ELMOD1: variants seen among roughly 807,000 people sequenced by gnomAD.
ELMOD1 encodes ELMO domain-containing protein 1.
ELMOD1 carries 21 observed loss-of-function variants against 46.7 expected under a neutral mutation model. That is an observed-to-expected ratio of 0.45 (90% CI 0.32 to 0.65). The LOEUF (loss-of-function observed/expected upper bound fraction) is 0.65. ELMOD1 is among the 30% of genes least tolerant of loss of function. ELMOD1 has a pLI of 0.04. For missense variants in ELMOD1, 348 were observed against 407.8 expected (o/e 0.85, Z 1.26); for synonymous variants, 122 against 138.2 (o/e 0.88, Z 0.82).
At chr11:107,639,500 C>G (rs913436618) in intron 6 of ELMOD1, among the ~76,000 whole-genome samples, 1 of 152,162 alleles carries the variant, frequency 6.6e-6, no homozygotes, top group Non-Finnish European at 1.5e-5. Context: ...TAAAGACCCT[C>G]TCCTGATGGA....
chr11:107,634,098 C>T (rs545127174), intron 5 of ELMOD1, among the ~76,000 whole-genome samples: 2 of 152,056 alleles, frequency 1.3e-5, no homozygotes, highest in Non-Finnish European at 2.9e-5. Context: ...TAATGACCAC[C>T]ACCACACCAC....
intron 1 of ELMOD1, among the ~76,000 whole-genome samples, chr11:107,604,728 A>G (rs1196212812): frequency 6.6e-6 from 1 of 152,226 alleles, no homozygotes. Context: ...TTATAGCTCT[A>G]AAGTGTGTTA....
Position 107,635,769 on chromosome 11 carries a change from A to C in ELMOD1, c.420+4A>C. On this transcript the variant is annotated splice_donor_region_variant and intron_variant, in intron 6 of 11. Transcript: ENST00000265840. ...ACATGAAGAAATGCTTTTGAAGGTT[A>C]GTGCTTGAACACATTTCGGTTCTTC... The C allele has an allele frequency of 6.2e-7, 1 of 1,612,296 alleles. No individual in the cohort carries two copies. Among genetic ancestry groups the C allele is most frequent in the Non-Finnish European group, 8.5e-7 (1 of 1,178,964 alleles).
At chr11:107,658,694 G>A (rs1866675830) in intron 11 of ELMOD1, among the ~76,000 whole-genome samples, 1 of 152,244 alleles carries the variant, frequency 6.6e-6, no homozygotes, top group Non-Finnish European at 1.5e-5. Context: ...CAGCACTTTG[G>A]GAGGCCAAGA....
At chr11:107,599,053 G>A (rs371790899) in intron 1 of ELMOD1, among the ~76,000 whole-genome samples, 5 of 152,208 alleles carry the variant, frequency 3.3e-5, no homozygotes, top group South Asian at 2.1e-4. Flanking sequence ...GCATTGGCCA[G>A]AAGGAAAGAC....
chr11:107,629,741 C>T (rs1248934712), intron 2 of ELMOD1, among the ~76,000 whole-genome samples: 5 of 152,126 alleles, frequency 3.3e-5, no homozygotes, highest in South Asian at 2.1e-4. Flanking sequence ...ATTTAAATCA[C>T]GGAAGGTCGT....
At chr11:107,664,909 AGCTCCACGGTT>A in intron 11 of ELMOD1, 105 bp from the exon 12 acceptor site, 1 of 914,156 alleles carries the variant, frequency 1.1e-6, no homozygotes, top group Non-Finnish European at 1.7e-6. Flanking sequence ...GTCTTCTTTG[AGCTCCACGGTT>A]GCTGTGGCTT....
rs12362443 is a variant in ELMOD1, at chr11:107,650,364, C to T, written c.584C>T (p.Ala195Val). ...QYFAERDATAAQQVLSDSLHP... is the reference protein window; with the variant it reads ...QYFAERDATAVQQVLSDSLHP... ...TTCGCGGAAAGGGATGCCACAGCAG[C>T]TCAGCAGGTCCTGTCTGACTCTCTT... Residue 195 changes from alanine (A) to valine (V), a missense_variant, in exon 8 of 12, where the codon GCT (alanine) becomes GTT (valine). Physicochemically the swap from Ala to Val is moderately conservative, Grantham distance 64 (BLOSUM62 0). Transcript: ENST00000265840. 2.0e-5 allele frequency: 32 copies of T among 1,592,810 alleles called. No homozygotes were observed. The highest frequency in any genetic ancestry group is 2.7e-5 in the Non-Finnish European group (31 of 1,168,962).
At chr11:107,639,837 G>A (rs1398376019) in intron 6 of ELMOD1, among the ~76,000 whole-genome samples, 1 of 152,040 alleles carries the variant, frequency 6.6e-6, no homozygotes, top group Non-Finnish European at 1.5e-5. Flanking sequence ...TTAGATGAGT[G>A]GATTCCTTAG....
chr11:107,655,875 G>T, intron 10 of ELMOD1, 58 bp from the exon 11 acceptor site: 1 of 1,550,918 alleles, frequency 6.4e-7, no homozygotes, highest in South Asian at 1.2e-5. Flanking sequence ...CATGCTAATG[G>T]GAAATACTTA....
intron 4 of ELMOD1, 32 bp downstream of exon 4, chr11:107,630,760 T>A (rs780752220): frequency 6.3e-7 from 1 of 1,575,438 alleles, no homozygotes; most frequent in South Asian, 1.2e-5. Context: ...CAGCTTTTTT[T>A]TCACTTGGAA....
intron 1 of ELMOD1, among the ~76,000 whole-genome samples, chr11:107,594,795 C>T (rs538302924): frequency 2.6e-5 from 4 of 152,290 alleles, no homozygotes; most frequent in South Asian, 2.1e-4. Flanking sequence ...GAGATCATTT[C>T]TGATTTGATC....
At chr11:107,618,467 G>C (rs1865896760) in intron 2 of ELMOD1, among the ~76,000 whole-genome samples, 1 of 152,208 alleles carries the variant, frequency 6.6e-6, no homozygotes, top group Non-Finnish European at 1.5e-5. Context: ...GACAGCCCTG[G>C]TGCCATGTGT....
intron 2 of ELMOD1, among the ~76,000 whole-genome samples, chr11:107,619,570 A>C (rs2135675008): frequency 6.6e-6 from 1 of 152,332 alleles, no homozygotes; most frequent in South Asian, 2.1e-4. Flanking sequence ...AAGGTTGCCA[A>C]GTCTTGTACT....
chr11:107,596,069 A>G (rs1308135891), intron 1 of ELMOD1, among the ~76,000 whole-genome samples: 14 of 152,142 alleles, frequency 9.2e-5, no homozygotes, highest in Admixed American at 9.2e-4. Flanking sequence ...CTGTAGATTC[A>G]AAAGTCTTTA....
chr11:107,625,240 A>G (rs1866021324), intron 2 of ELMOD1, among the ~76,000 whole-genome samples: 1 of 152,226 alleles, frequency 6.6e-6, no homozygotes, highest in Non-Finnish European at 1.5e-5. Flanking sequence ...TCAGTGGAGC[A>G]ACTAAATGAT....
At chr11:107,607,525 G>T (rs1005208982) in intron 1 of ELMOD1, among the ~76,000 whole-genome samples, 16 of 152,096 alleles carry the variant, frequency 1.1e-4, no homozygotes, top group African/African-American at 3.9e-4. Context: ...AGGCATGGTG[G>T]CATGCACTTG....
intron 1 of ELMOD1, among the ~76,000 whole-genome samples, chr11:107,607,215 G>T (rs1565371105): frequency 6.6e-6 from 1 of 152,124 alleles, no homozygotes; most frequent in Non-Finnish European, 1.5e-5. Flanking sequence ...GACTCTAGAA[G>T]GGCCACATGT....
chr11:107,599,740 C>CAAAAAAAAAAAAAAA (rs56992146), intron 1 of ELMOD1, among the ~76,000 whole-genome samples: 6 of 91,090 alleles, frequency 6.6e-5, no homozygotes, highest in African/African-American at 1.8e-4. Context: ...AGACCTGTCT[C>CAAAAAAAAAAAAAAA]AAAAAAAAAA....
Sources: allele counts gnomAD v4.1 joint callset (sites outside exome capture counted in the v4.1 genomes callset), GRCh38; gene constraint gnomAD v4.1.1; transcripts MANE v1.5; gene names NCBI Gene and HGNC (gene_info 2026-07-23, HGNC 2026-07-21).